The following LONRF1 variants were observed in gnomAD, a reference collection of about 807,000 sequenced individuals.
LONRF1 encodes LON peptidase N-terminal domain and ring finger 1.
A neutral mutation model predicts 85.8 loss-of-function variants in LONRF1; 37 were observed. That is an observed-to-expected ratio of 0.43 (90% CI 0.33 to 0.57). The LOEUF (loss-of-function observed/expected upper bound fraction) is 0.57, where lower values mean the gene tolerates loss of function less well. Among genes scored for constraint, LONRF1 ranks in the 20% least tolerant of loss-of-function variants. LONRF1 has a pLI of 0.04. For missense variants in LONRF1, 1,036 were observed against 978.0 expected, an observed-to-expected ratio of 1.06 and a Z score of -0.79; for synonymous variants, 517 against 390.1, an observed-to-expected ratio of 1.33 and a Z score of -3.83.
intron 1 of LONRF1, among the ~76,000 whole-genome samples, 177 bp downstream of exon 1, chr8:12,754,523 C>A (rs1799549551): frequency 6.6e-6 from 1 of 151,942 alleles, no homozygotes; most frequent in African/African-American, 2.4e-5. Flanking sequence ...GACCGAAGCA[C>A]CCCGGGGCGC....
Position 12,754,788 on chromosome 8 carries a change from C to T in LONRF1, c.633G>A (p.Arg211=). ...CCCCGAGCCTGCCGGCCGCCCGGGC[C>T]CGCTCGCGCTGGCCCGGAAACCACT... is the stretch of plus-strand genomic sequence containing the variant. The part of the protein sequence containing the change: ...AEKWFPGQRE[R]ARAAGRLGEL... The change falls in exon 1 of 12, where the codon CGG becomes CGA. Residue 211 remains arginine (R), a synonymous_variant. Transcript: ENST00000398246. 1 of 1,484,328 alleles carries T rather than the reference C, an allele frequency of 6.7e-7. No individual in the cohort carries two copies. The highest frequency in any genetic ancestry group is 8.9e-7 in the Non-Finnish European group (1 of 1,124,392). 91.9% of individuals were successfully genotyped at this position (1,484,328 alleles called of 1,614,324 possible).
intron 1 of LONRF1, among the ~76,000 whole-genome samples, chr8:12,745,610 C>A (rs1215197127): frequency 6.6e-6 from 1 of 152,210 alleles, no homozygotes; most frequent in Non-Finnish European, 1.5e-5. Context: ...AGACGAGTCA[C>A]CTCACTGCAC....
intron 2 of LONRF1, among the ~76,000 whole-genome samples, chr8:12,742,796 C>A (rs550081093): frequency 3.2e-4 from 48 of 152,082 alleles, no homozygotes; most frequent in Non-Finnish European, 5.9e-4. Flanking sequence ...AGTGGCACTT[C>A]AGTGGCACAA....
In LONRF1 at chr8:12,741,128, A is replaced by G. The variant is rs984228368; in HGVS notation, c.841-132T>C. ...GCCGGGTGCAGTAGCTCACGCCTGT[A>G]ATCCCAGCACTTTGGGAGGCTGACA... On this transcript the variant is annotated intron_variant, in intron 2 of 11. Coordinates refer to ENST00000398246, the MANE Select transcript of LONRF1 (RefSeq NM_152271.5). The G allele has an allele frequency of 1.0e-5, 9 of 880,982 alleles. No homozygotes were observed. The Admixed American group carries it at 2.1e-4, about 21-fold the overall frequency. The allele number at this position is 880,982 out of a possible 1,614,324, so 54.6% of individuals were successfully genotyped here.
chr8:12,731,012 G>C (rs534579528), intron 8 of LONRF1, among the ~76,000 whole-genome samples: 6 of 152,024 alleles, frequency 3.9e-5, no homozygotes, highest in African/African-American at 1.4e-4. Context: ...TTAAAAACCC[G>C]TTAATAAAAT....
chr8:12,724,523 C>T (rs1016664722), intron 11 of LONRF1, among the ~76,000 whole-genome samples: 1 of 152,182 alleles, frequency 6.6e-6, no homozygotes, highest in African/African-American at 2.4e-5. Flanking sequence ...ACAAAGTCTA[C>T]ATCCTACGTC....
At chr8:12,748,772 G>A (rs1251861763) in intron 1 of LONRF1, among the ~76,000 whole-genome samples, 1 of 149,402 alleles carries the variant, frequency 6.7e-6, no homozygotes, top group Non-Finnish European at 1.5e-5. Context: ...TATATATCAA[G>A]CTATCGAAAT....
In LONRF1 at chr8:12,725,726, C is replaced by T; in HGVS notation, c.2163+1G>A. ...TTGGAAGAACAGAAAAGCCACCATA[C>T]CTGAAGGTTTTCCTCCCTCTCGGGC... On this transcript the variant is annotated splice_donor_variant, in intron 11 of 11. Transcript: ENST00000398246. LOFTEE classifies it high-confidence loss of function. 6.2e-7 allele frequency: 1 copy of T among 1,609,122 alleles called. No individual in the cohort carries two copies. Among genetic ancestry groups the T allele is most frequent in the Non-Finnish European group, 8.5e-7 (1 of 1,176,104 alleles).
At chr8:12,752,007 G>C (rs1799426641) in intron 1 of LONRF1, among the ~76,000 whole-genome samples, 1 of 152,136 alleles carries the variant, frequency 6.6e-6, no homozygotes, top group Non-Finnish European at 1.5e-5. Context: ...ATCTAAATGG[G>C]AAACTTCTGA....
intron 1 of LONRF1, among the ~76,000 whole-genome samples, chr8:12,750,343 C>A (rs895086096): frequency 2.0e-5 from 3 of 152,152 alleles, no homozygotes; most frequent in African/African-American, 7.2e-5. Context: ...AAGGGGGATA[C>A]GTTCCAAGAC....
At chr8:12,737,449 T>A in intron 4 of LONRF1, 1 of 488,608 alleles carries the variant, frequency 2.0e-6, no homozygotes, top group South Asian at 1.8e-5. Context: ...GTATAACAAC[T>A]ATTTACATAG....
intron 3 of LONRF1, 40 bp from the exon 4 acceptor site, chr8:12,738,184 A>T (rs1050128760): frequency 1.5e-6 from 2 of 1,318,776 alleles, no homozygotes. Flanking sequence ...AATATAAAAT[A>T]TTTGGTTAAG....
chr8:12,752,799 C>G (rs1799461562), intron 1 of LONRF1, among the ~76,000 whole-genome samples: 1 of 152,238 alleles, frequency 6.6e-6, no homozygotes. Flanking sequence ...ACCCCTAATT[C>G]AAGGTCAGAT....
At chr8:12,749,572 TA>T (rs1799296861) in intron 1 of LONRF1, among the ~76,000 whole-genome samples, 1 of 152,190 alleles carries the variant, frequency 6.6e-6, no homozygotes, top group African/African-American at 2.4e-5. Context: ...AGTTAATATA[TA>T]AATAACTAGA....
At chr8:12,749,476 CA>C (rs1410838116) in intron 1 of LONRF1, among the ~76,000 whole-genome samples, 2 of 152,134 alleles carry the variant, frequency 1.3e-5, no homozygotes, top group African/African-American at 4.8e-5. Flanking sequence ...GAACACTATA[CA>C]AATTCATTTA....
chr8:12,736,832 G>A (rs753615225), intron 5 of LONRF1, 35 bp from the exon 6 acceptor site: 3 of 1,584,828 alleles, frequency 1.9e-6, no homozygotes, highest in Non-Finnish European at 2.6e-6. Flanking sequence ...TTCTTCCTTA[G>A]GAAAAACTTT....
intron 1 of LONRF1, among the ~76,000 whole-genome samples, chr8:12,744,437 CT>C (rs1321110203): frequency 2.0e-5 from 3 of 152,016 alleles, no homozygotes; most frequent in African/African-American, 7.2e-5. Context: ...GTGTCTTGTG[CT>C]TCTTAAAGCA....
chr8:12,750,797 C>T (rs1487157378), intron 1 of LONRF1, among the ~76,000 whole-genome samples: 1 of 152,164 alleles, frequency 6.6e-6, no homozygotes, highest in Non-Finnish European at 1.5e-5. Context: ...GTAATTGTTA[C>T]TCTCTACCAA....
chr8:12,743,385 G>T (rs1428342856), intron 1 of LONRF1, 103 bp from the exon 2 acceptor site: 1 of 760,604 alleles, frequency 1.3e-6, no homozygotes, highest in Non-Finnish European at 2.1e-6. Flanking sequence ...GTGATTCCAG[G>T]GTTAATAATC....
Sources: allele counts gnomAD v4.1 joint callset (sites outside exome capture counted in the v4.1 genomes callset), GRCh38; gene constraint gnomAD v4.1.1; transcripts MANE v1.5; gene names NCBI Gene and HGNC (gene_info 2026-07-23, HGNC 2026-07-21).